RNU2-2: variants seen among roughly 807,000 people sequenced by gnomAD.
RNU2-2 encodes the protein RNA, U2 small nuclear 2, also known as RNA, U2 small nuclear 2, pseudogene.
At chr11:62,841,727 T>A in the RNU2-2 span, 1 of 152,190 alleles carries the variant, frequency 6.6e-6, no homozygotes, top group Admixed American at 6.5e-5. Context: ...TAATATATTG[T>A]CCTCGGATAG....
chr11:62,841,621 A>T, the RNU2-2 span: 1 of 152,212 alleles, frequency 6.6e-6, no homozygotes, highest in Non-Finnish European at 1.5e-5. Flanking sequence ...CCCCGAAGGG[A>T]GAGTGCACCG....
the RNU2-2 span, chr11:62,841,634 C>G: frequency 6.6e-6 from 1 of 152,228 alleles, no homozygotes; most frequent in African/African-American, 2.4e-5. Flanking sequence ...GTGCACCGTT[C>G]CTGGAAGTAC....
chr11:62,841,729 C>CTCGGATAG, the RNU2-2 span: 2 of 152,124 alleles, frequency 1.3e-5, no homozygotes, highest in Non-Finnish European at 2.9e-5. Context: ...ATATATTGTC[C>CTCGGATAG]TCGGATAGAG....
the RNU2-2 span, chr11:62,841,668 A>T: frequency 3.3e-5 from 5 of 152,232 alleles, no homozygotes; most frequent in Non-Finnish European, 5.9e-5. Context: ...CGATGCGTGG[A>T]GTGGACGGAG....
the RNU2-2 span, chr11:62,841,758 C>G: frequency 3.3e-5 from 5 of 152,328 alleles, no homozygotes; most frequent in African/African-American, 7.2e-5. Flanking sequence ...AGATATTAAA[C>G]TGATAAGAAC....
the RNU2-2 span, chr11:62,841,660 A>G: frequency 2.6e-5 from 4 of 152,246 alleles, no homozygotes; most frequent in South Asian, 4.1e-4. Context: ...TACCAGGTCG[A>G]TGCGTGGAGT....
the RNU2-2 span, chr11:62,841,670 T>C: frequency 7.2e-5 from 11 of 152,068 alleles, no homozygotes; most frequent in Non-Finnish European, 8.8e-5. Flanking sequence ...ATGCGTGGAG[T>C]GGACGGAGCA....
the RNU2-2 span, chr11:62,841,737 G>C: frequency 9.9e-5 from 15 of 152,144 alleles, no homozygotes; most frequent in East Asian, 1.9e-4. Context: ...TCCTCGGATA[G>C]AGGACGTATC....
At chr11:62,841,673 A>C in the RNU2-2 span, 5 of 152,138 alleles carry the variant, frequency 3.3e-5, no homozygotes, top group Non-Finnish European at 7.4e-5. Context: ...CGTGGAGTGG[A>C]CGGAGCAAGC....
chr11:62,841,679 C>G, the RNU2-2 span: 2 of 152,034 alleles, frequency 1.3e-5, no homozygotes, highest in Non-Finnish European at 1.5e-5. Flanking sequence ...GTGGACGGAG[C>G]AAGCTCCTAT....
chr11:62,841,750 A>G, the RNU2-2 span: 6 of 152,226 alleles, frequency 3.9e-5, no homozygotes, highest in African/African-American at 9.6e-5. Flanking sequence ...GACGTATCAG[A>G]TATTAAACTG....
chr11:62,841,765 G>A, the RNU2-2 span: 11 of 152,194 alleles, frequency 7.2e-5, no homozygotes, highest in African/African-American at 1.2e-4. Context: ...AAACTGATAA[G>A]AACAGATACT....
At chr11:62,841,643 A>ACTGC in the RNU2-2 span, 1 of 152,248 alleles carries the variant, frequency 6.6e-6, no homozygotes, top group African/African-American at 2.4e-5. Flanking sequence ...TCCTGGAAGT[A>ACTGC]CTGCAATACC....
the RNU2-2 span, chr11:62,841,797 G>T: frequency 6.6e-6 from 1 of 152,124 alleles, no homozygotes; most frequent in Non-Finnish European, 1.5e-5. Flanking sequence ...TAGCCAAAAG[G>T]CCGAGAAGCG....
chr11:62,841,630 C>A, the RNU2-2 span: 1 of 152,208 alleles, frequency 6.6e-6, no homozygotes, highest in Non-Finnish European at 1.5e-5. Flanking sequence ...GAGAGTGCAC[C>A]GTTCCTGGAA....
chr11:62,841,635 C>T, the RNU2-2 span: 15 of 152,352 alleles, frequency 9.8e-5, no homozygotes, highest in African/African-American at 2.6e-4. Context: ...TGCACCGTTC[C>T]TGGAAGTACT....
At chr11:62,841,800 G>A in the RNU2-2 span, 3 of 152,208 alleles carry the variant, frequency 2.0e-5, no homozygotes, top group East Asian at 1.9e-4. Flanking sequence ...CCAAAAGGCC[G>A]AGAAGCGATA....
chr11:62,841,712 C>G, the RNU2-2 span: 12 of 152,318 alleles, frequency 7.9e-5, no homozygotes, highest in Non-Finnish European at 1.2e-4. Flanking sequence ...TTCCAAAAAT[C>G]CATTTAATAT....
chr11:62,841,631 G>A, the RNU2-2 span: 47 of 152,328 alleles, frequency 3.1e-4, no homozygotes, highest in South Asian at 2.1e-3. Context: ...AGAGTGCACC[G>A]TTCCTGGAAG....
Sources: gnomAD v4.1 joint callset for allele counts on GRCh38, gnomAD v4.1.1 for gene constraint, MANE v1.5 for transcripts, NCBI Gene and HGNC (gene_info 2026-07-23, HGNC 2026-07-21) for gene names.